Variants in VEPH1 observed in about 807,000 individuals in gnomAD.
VEPH1 encodes the protein ventricular zone-expressed PH domain-containing protein homolog 1.
VEPH1 carries 80 observed loss-of-function variants against 85.2 expected under a neutral mutation model. The ratio of observed to expected loss-of-function variants is 0.94; its 90% confidence interval spans 0.78 to 1.13. The LOEUF (loss-of-function observed/expected upper bound fraction) is 1.13, where lower values mean the gene tolerates loss of function less well. Among genes scored for constraint, VEPH1 ranks in the 50% most tolerant of loss-of-function variants. The pLI, the probability that VEPH1 is intolerant of heterozygous loss-of-function variation, is 0.00. For missense variants in VEPH1, 955 were observed against 980.5 expected, an observed-to-expected ratio of 0.97 and a Z score of 0.35; for synonymous variants, 297 against 348.0, an observed-to-expected ratio of 0.85 and a Z score of 1.63.
intron 6 of VEPH1, among the ~76,000 whole-genome samples, chr3:157,394,128 T>C (rs1730146501): frequency 6.6e-6 from 1 of 152,218 alleles, no homozygotes; most frequent in Non-Finnish European, 1.5e-5. Context: ...TCTTACTGCA[T>C]GCAAAGTAGA....
In VEPH1 at chr3:157,261,471, T is replaced by C. The variant is rs571249101; in HGVS notation, c.2266-101A>G. ...CTAAGAGGGCCAGAATCCTTTCACT[T>C]TTTATGTCTCAAGACCTTTGTTATT... On this transcript the variant is annotated intron_variant, in intron 13 of 13. Coordinates refer to ENST00000362010, the MANE Select transcript of VEPH1 (RefSeq NM_001167912.2). The C allele has an allele frequency of 2.8e-5, 42 of 1,522,524 alleles. No homozygotes were observed. In the East Asian group the frequency reaches 7.5e-4, roughly 27 times the overall value. 94.3% of individuals were successfully genotyped at this position (1,522,524 alleles called of 1,614,324 possible).
At chr3:157,457,153 T>C (rs1263316471) in intron 4 of VEPH1, among the ~76,000 whole-genome samples, 1 of 152,094 alleles carries the variant, frequency 6.6e-6, no homozygotes. Context: ...GTAAATGGGA[T>C]TGCATTTCTG....
chr3:157,433,767 C>T (rs1733346549), intron 4 of VEPH1, among the ~76,000 whole-genome samples: 1 of 152,192 alleles, frequency 6.6e-6, no homozygotes, highest in Non-Finnish European at 1.5e-5. Context: ...CCTGAACACT[C>T]TATTCTCAGA....
intron 6 of VEPH1, among the ~76,000 whole-genome samples, chr3:157,387,084 T>G (rs1729384240): frequency 6.6e-6 from 1 of 152,196 alleles, no homozygotes; most frequent in African/African-American, 2.4e-5. Flanking sequence ...CTAAAAGCAA[T>G]AAGTAAATTA....
chr3:157,417,720 C>G (rs1341417317), intron 5 of VEPH1, among the ~76,000 whole-genome samples: 1 of 152,128 alleles, frequency 6.6e-6, no homozygotes, highest in Non-Finnish European at 1.5e-5. Context: ...TCTTGGAAGT[C>G]TTCTTTCCAG....
At chr3:157,433,261 T>C (rs1444827274) in intron 4 of VEPH1, among the ~76,000 whole-genome samples, 1 of 152,200 alleles carries the variant, frequency 6.6e-6, no homozygotes, top group Admixed American at 6.5e-5. Context: ...ATACACACTT[T>C]GATGAATAGA....
chr3:157,481,433 AACACACACACAC>A (rs1177654727), intron 2 of VEPH1, among the ~76,000 whole-genome samples: 2 of 38,664 alleles, frequency 5.2e-5, no homozygotes, highest in Non-Finnish European at 8.9e-5. Context: ...TATGGAACCA[AACACACACACAC>A]ACACACACAC....
intron 2 of VEPH1, among the ~76,000 whole-genome samples, chr3:157,485,765 T>C (rs1738565231): frequency 6.6e-6 from 1 of 151,966 alleles, no homozygotes; most frequent in African/African-American, 2.4e-5. Context: ...CATTTACAAA[T>C]TACATTAAAG....
chr3:157,286,633 G>T lies in VEPH1; in HGVS notation c.2052C>A (p.Phe684Leu), dbSNP rs1716821234. The part of the protein sequence containing the change: ...QVQLHLEEVR[F>L]FDVFGFSETA... ...TTTCACTGAAGCCAAACACGTCAAA[G>T]AACCTCACTTCTTCCAGATGGAGCT... The change falls in exon 12 of 14, where the codon TTC becomes TTA. Residue 684 changes from phenylalanine (F) to leucine (L), a missense_variant. Coordinates refer to ENST00000362010, the MANE Select transcript of VEPH1 (RefSeq NM_001167912.2). The T allele has an allele frequency of 1.2e-6, 2 of 1,614,088 alleles. No individual in the cohort carries two copies. Among genetic ancestry groups the T allele is most frequent in the Non-Finnish European group, 8.5e-7 (1 of 1,179,972 alleles).
intron 11 of VEPH1, among the ~76,000 whole-genome samples, chr3:157,308,476 T>C (rs539593949): frequency 3.9e-5 from 6 of 152,146 alleles, no homozygotes; most frequent in Non-Finnish European, 8.8e-5. Flanking sequence ...ACTAGTCTGT[T>C]CCATTTATCT....
chr3:157,497,621 G>C (rs925313400), intron 1 of VEPH1, among the ~76,000 whole-genome samples: 1 of 152,162 alleles, frequency 6.6e-6, no homozygotes, highest in African/African-American at 2.4e-5. Context: ...ACTCCATGAA[G>C]TACATTCAAC....
rs1382424468 is a variant in VEPH1, at chr3:157,286,704, A to G, written c.2011-30T>C. 2.5e-6 allele frequency: 4 copies of G among 1,569,306 alleles called. No homozygotes were observed. In the Admixed American group the frequency reaches 6.7e-5, roughly 26 times the overall value. On this transcript the variant is annotated intron_variant, in intron 11 of 13. Transcript: ENST00000362010. The stretch of plus-strand genomic sequence containing the variant: ...GTCAGGAACACAAAGCACAAAGAAC[A>G]TAAGCTGCTCTGCCTGCTACCTAAC...
chr3:157,442,302 C>A, intron 4 of VEPH1: 3 of 1,347,122 alleles, frequency 2.2e-6, no homozygotes, highest in Non-Finnish European at 3.0e-6. Flanking sequence ...ATAACTAATG[C>A]CAGAATAATT....
intron 1 of VEPH1, among the ~76,000 whole-genome samples, chr3:157,501,405 C>CT (rs1455282423): frequency 6.6e-6 from 1 of 152,154 alleles, no homozygotes; most frequent in Non-Finnish European, 1.5e-5. Flanking sequence ...GTATCTCAAA[C>CT]TTTTTGTGGC....
intron 10 of VEPH1, among the ~76,000 whole-genome samples, chr3:157,315,137 T>C (rs1720601625): frequency 6.6e-6 from 1 of 152,084 alleles, no homozygotes; most frequent in South Asian, 2.1e-4. Context: ...AATGACTGTC[T>C]AAGCACTGGT....
chr3:157,482,786 A>G (rs757835516), intron 2 of VEPH1, among the ~76,000 whole-genome samples: 3 of 152,046 alleles, frequency 2.0e-5, no homozygotes, highest in Non-Finnish European at 4.4e-5. Context: ...TTTGGCTCTC[A>G]TCTTGAATGT....
At position 157,370,938 on chromosome 3, in the gene VEPH1, G is replaced by A. The variant is rs529082865; in HGVS notation, c.1128-6426C>T. The stretch of plus-strand genomic sequence containing the variant: ...AGTTTTATTTTTGTTATATAAAAAT[G>A]GGATTGATATTACATCATCAGATTG... On this transcript the variant is annotated intron_variant, in intron 7 of 13. Transcript: ENST00000362010. Among the ~76,000 whole-genome samples, 107 of 152,316 alleles carry A rather than the reference G, an allele frequency of 7.0e-4. No homozygotes were observed. In the Middle Eastern group the frequency reaches 0.014, roughly 19 times the overall value.
chr3:157,380,996 A>T, intron 7 of VEPH1, 160 bp downstream of exon 7: 1 of 695,584 alleles, frequency 1.4e-6, no homozygotes, highest in African/African-American at 1.8e-5. Flanking sequence ...TCACACATTT[A>T]GAAGAAAGAT....
chr3:157,414,876 G>T (rs1221550894), intron 5 of VEPH1, among the ~76,000 whole-genome samples: 5 of 152,014 alleles, frequency 3.3e-5, no homozygotes, highest in Non-Finnish European at 5.9e-5. Context: ...CTGTTTGTTT[G>T]TTTCTTTTGT....
Sources: gnomAD v4.1 joint callset for allele counts (sites outside exome capture counted in the v4.1 genomes callset) on GRCh38, gnomAD v4.1.1 for gene constraint, MANE v1.5 for transcripts, NCBI Gene and HGNC (gene_info 2026-07-23, HGNC 2026-07-21) for gene names.